Variants in JCAD observed in about 807,000 individuals in gnomAD.
JCAD encodes junctional cadherin 5 associated.
JCAD carries 40 observed loss-of-function variants against 98.0 expected under a neutral mutation model. The observed-to-expected ratio is 0.41, with a 90% CI of 0.32 to 0.53. The LOEUF is 0.53. JCAD is among the 20% of genes least tolerant of loss of function. The probability of loss-of-function intolerance (pLI) is 0.31; values close to 1 mark genes in which losing one functional copy is unlikely to be tolerated. For missense variants in JCAD, 1,705 were observed against 1,738.1 expected (o/e 0.98, Z 0.34); for synonymous variants, 691 against 682.3 (o/e 1.01, Z -0.20).
intron 1 of JCAD, among the ~76,000 whole-genome samples, chr10:30,114,151 C>T (rs940392976): frequency 3.3e-5 from 5 of 152,184 alleles, no homozygotes; most frequent in Non-Finnish European, 7.3e-5. Flanking sequence ...ATGGGCTCTC[C>T]TGAATGGTAG....
chr10:30,062,531 G>C (rs559357982), upstream of JCAD, among the ~76,000 whole-genome samples: 17 of 152,116 alleles, frequency 1.1e-4, no homozygotes, highest in South Asian at 2.1e-3. Context: ...GAGGAAAGAG[G>C]GTGTATTATT....
intron 1 of JCAD, among the ~76,000 whole-genome samples, chr10:30,081,935 A>G (rs561816403): frequency 8.5e-5 from 13 of 152,204 alleles, no homozygotes; most frequent in Non-Finnish European, 1.9e-4. Flanking sequence ...ATTCTGTTGC[A>G]CTAAGAACCT....
At chr10:30,112,871 C>CAAA (rs57740787) in intron 1 of JCAD, among the ~76,000 whole-genome samples, 2 of 99,092 alleles carry the variant, frequency 2.0e-5, no homozygotes, top group African/African-American at 4.0e-5. Context: ...GACTCCATCT[C>CAAA]AAAAAAAAAA....
chr10:30,044,974 C>T (rs941769903), intron 2 of JCAD, among the ~76,000 whole-genome samples: 1 of 152,126 alleles, frequency 6.6e-6, no homozygotes, highest in Admixed American at 6.6e-5. Context: ...CCACTCTACA[C>T]CATCTAAGTG....
chr10:30,053,261 C>G (rs1200963298), intron 1 of JCAD, among the ~76,000 whole-genome samples: 1 of 151,874 alleles, frequency 6.6e-6, no homozygotes, highest in Non-Finnish European at 1.5e-5. Flanking sequence ...ATGAGTATTT[C>G]CCTTCTTAAA....
chr10:30,112,729 A>T (rs1838726140), intron 1 of JCAD, among the ~76,000 whole-genome samples: 1 of 151,942 alleles, frequency 6.6e-6, no homozygotes, highest in Non-Finnish European at 1.5e-5. Flanking sequence ...AAAATTAGCC[A>T]GGCGTGGTGG....
intron 3 of JCAD, among the ~76,000 whole-genome samples, chr10:30,022,587 T>A (rs929474304): frequency 6.6e-6 from 1 of 152,032 alleles, no homozygotes; most frequent in Admixed American, 6.6e-5. Context: ...TCAAGACGAG[T>A]GGTTTTGAAT....
intron 2 of JCAD, chr10:30,044,676 G>GGTT (rs1163840678): frequency 4.3e-4 from 48 of 111,788 alleles, no homozygotes; most frequent in Non-Finnish European, 5.6e-4. Context: ...AGCAGTATTG[G>GGTT]CTTTTTTTTT....
chr10:30,027,369 C>A lies in JCAD; in HGVS notation c.2779G>T (p.Ala927Ser). ...AAGCGGCCCGGGGATGGAGGCCAGG[C>A]ACGTGGGTGGCCAGGCTGCAGCTCC... ...SEELQPGHPR[A>S]WPPSPGRFRV... The change falls in exon 3 of 4, where the codon GCC becomes TCC. Residue 927 changes from alanine (A) to serine (S), a missense_variant. Transcript: ENST00000375377. 1 of 1,609,772 alleles carries A rather than the reference C, an allele frequency of 6.2e-7. No homozygotes were observed. Among genetic ancestry groups the A allele is most frequent in the Non-Finnish European group, 8.5e-7 (1 of 1,180,022 alleles).
At chr10:30,038,318 CAG>C (rs1189158948) in intron 2 of JCAD, among the ~76,000 whole-genome samples, 2 of 152,098 alleles carry the variant, frequency 1.3e-5, no homozygotes, top group African/African-American at 2.4e-5. Flanking sequence ...GTAACAAAAT[CAG>C]GGGCTGGGAG....
chr10:30,060,729 T>C (rs985760510), upstream of JCAD, among the ~76,000 whole-genome samples: 1 of 152,188 alleles, frequency 6.6e-6, no homozygotes. Context: ...TCCTATGTAT[T>C]ATTTCTTTTA....
rs145425569 is a variant in JCAD, at chr10:30,049,982, C to T, written c.-59-2111G>A. On this transcript the variant is annotated intron_variant, in intron 1 of 3. Transcript: ENST00000375377. Reference sequence around the variant, plus strand: ...ATGTGTTTGTGTATGAGAAGGGGAACTGGCATTTAAAATAGATTATGAGTA... The same window carrying T: ...ATGTGTTTGTGTATGAGAAGGGGAATTGGCATTTAAAATAGATTATGAGTA... Among the ~76,000 whole-genome samples, 685 of 152,214 alleles carry T rather than the reference C, an allele frequency of 4.5e-3. 10 individuals carry two copies. In the South Asian group the frequency reaches 0.05, roughly 11 times the overall value.
At chr10:30,072,878 C>T (rs1477802923) in intron 1 of JCAD, among the ~76,000 whole-genome samples, 2 of 152,194 alleles carry the variant, frequency 1.3e-5, no homozygotes, top group Non-Finnish European at 2.9e-5. Flanking sequence ...TTTCAAACTC[C>T]TGTGCCACCT....
rs1836908298 is a variant in JCAD, at chr10:30,028,767, G to C, written c.1381C>G (p.Gln461Glu). The part of the protein sequence containing the change: ...KSYNSSPVTA[Q>E]EPAHGGMQPD... ...TGCATTCCTCCATGAGCCGGCTCTT[G>C]AGCAGTGACAGGACTGGAGTTATAT... is the stretch of plus-strand genomic sequence containing the variant. The change falls in exon 3 of 4, where the codon CAA becomes GAA. Residue 461 changes from glutamine (Q) to glutamate (E), a missense_variant. By Grantham distance (29) the Gln-to-Glu change is conservative. Transcript: ENST00000375377. 1.9e-6 allele frequency: 3 copies of C among 1,614,106 alleles called. No homozygotes were observed. Among genetic ancestry groups the C allele is most frequent in the African/African-American group, 1.3e-5 (1 of 74,942 alleles).
intron 1 of JCAD, among the ~76,000 whole-genome samples, chr10:30,050,605 G>C (rs967042221): frequency 3.3e-5 from 5 of 152,224 alleles, no homozygotes; most frequent in African/African-American, 1.2e-4. Context: ...CAGTCCATTT[G>C]TCAGAATGGC....
chr10:30,063,004 G>A (rs909586886), upstream of JCAD, among the ~76,000 whole-genome samples: 1 of 152,090 alleles, frequency 6.6e-6, no homozygotes, highest in South Asian at 2.1e-4. Flanking sequence ...TTTCCACACC[G>A]GTCACCAGTA....
chr10:30,101,410 A>G (rs1242575898), intron 1 of JCAD, among the ~76,000 whole-genome samples: 1 of 152,236 alleles, frequency 6.6e-6, no homozygotes, highest in Non-Finnish European at 1.5e-5. Context: ...CTCAGTCTCA[A>G]AAAAAGAGTC....
chr10:30,098,682 T>C (rs1229577959), intron 1 of JCAD, among the ~76,000 whole-genome samples: 1 of 152,230 alleles, frequency 6.6e-6, no homozygotes, highest in Non-Finnish European at 1.5e-5. Flanking sequence ...TCCCTAACAC[T>C]TTCACATCTT....
chr10:30,018,042 A>C, intron 3 of JCAD, 125 bp from the exon 4 acceptor site: 1 of 692,138 alleles, frequency 1.4e-6, no homozygotes. Context: ...TAATTTTTAG[A>C]CATTTTAACA....
Sources: gnomAD v4.1 joint callset for allele counts (sites outside exome capture counted in the v4.1 genomes callset) on GRCh38, gnomAD v4.1.1 for gene constraint, MANE v1.5 for transcripts, NCBI Gene and HGNC (gene_info 2026-07-23, HGNC 2026-07-21) for gene names.